The following TSPAN9 variants were observed in gnomAD, a reference collection of about 807,000 sequenced individuals.
TSPAN9 encodes tetraspanin 9.
A neutral mutation model predicts 31.0 loss-of-function variants in TSPAN9; 16 were observed. That is an observed-to-expected ratio of 0.52 (90% CI 0.35 to 0.78). The LOEUF (loss-of-function observed/expected upper bound fraction) is 0.78. TSPAN9 is among the 30% of genes least tolerant of loss of function. The pLI, the probability that TSPAN9 is intolerant of heterozygous loss-of-function variation, is 0.01. For missense variants in TSPAN9, 272 were observed against 312.5 expected (o/e 0.87, Z 0.98); for synonymous variants, 145 against 121.6 (o/e 1.19, Z -1.27).
At chr12:3,266,999 A>G (rs1320259841) in intron 3 of TSPAN9, among the ~76,000 whole-genome samples, 6 of 151,984 alleles carry the variant, frequency 3.9e-5, no homozygotes, top group Admixed American at 3.3e-4. Context: ...ATGGAAGATC[A>G]CCCTCATTAC....
intron 2 of TSPAN9, among the ~76,000 whole-genome samples, chr12:3,148,041 G>A (rs1471067855): frequency 6.6e-6 from 1 of 152,114 alleles, no homozygotes; most frequent in Non-Finnish European, 1.5e-5. Context: ...CATTCATCCT[G>A]GAGACAAAGC....
At chr12:3,244,258 A>G (rs2098398127) in intron 3 of TSPAN9, among the ~76,000 whole-genome samples, 1 of 152,146 alleles carries the variant, frequency 6.6e-6, no homozygotes. Context: ...CCCTGGTCCC[A>G]GTAGGTAAGC....
chr12:3,201,328 C>G, intron 3 of TSPAN9, 72 bp downstream of exon 3: 1 of 1,404,320 alleles, frequency 7.1e-7, no homozygotes, highest in South Asian at 1.2e-5. Flanking sequence ...TGAATACCCT[C>G]TCCCTCTTCT....
At position 3,285,530 on chromosome 12, in the gene TSPAN9, T is replaced by C. The variant is rs1049038996; in HGVS notation, c.*2414T>C. On this transcript the variant is annotated 3_prime_UTR_variant, in exon 9 of 9. Transcript: ENST00000011898. The stretch of plus-strand genomic sequence containing the variant: ...ACTCACTCTGCGCTTGGCCGTTTTG[T>C]TATTTGGCTTAGTCTACATTGGGCG... 1 of 152,178 alleles carries C rather than the reference T, an allele frequency of 6.6e-6. No individual in the cohort carries two copies. Among genetic ancestry groups the C allele is most frequent in the Non-Finnish European group, 1.5e-5 (1 of 68,042 alleles). 9.4% of individuals were successfully genotyped at this position (152,178 alleles called of 1,614,324 possible).
chr12:3,082,608 G>A (rs896434478), intron 1 of TSPAN9, among the ~76,000 whole-genome samples: 3 of 152,128 alleles, frequency 2.0e-5, no homozygotes, highest in African/African-American at 7.2e-5. Flanking sequence ...AAGAGGGGAC[G>A]TCATGGTAGG....
intron 2 of TSPAN9, among the ~76,000 whole-genome samples, chr12:3,109,991 C>T (rs2153965255): frequency 6.6e-6 from 1 of 152,198 alleles, no homozygotes; most frequent in Non-Finnish European, 1.5e-5. Flanking sequence ...TAGCAATCTG[C>T]AGCACCAGGA....
At chr12:3,214,134 A>G (rs2098380178) in intron 3 of TSPAN9, among the ~76,000 whole-genome samples, 1 of 152,224 alleles carries the variant, frequency 6.6e-6, no homozygotes, top group Admixed American at 6.5e-5. Context: ...GGAAAATGAT[A>G]GACTTGGACC....
intron 1 of TSPAN9, among the ~76,000 whole-genome samples, chr12:3,079,996 G>A (rs1338156509): frequency 1.3e-5 from 2 of 149,262 alleles, no homozygotes; most frequent in African/African-American, 4.9e-5. Flanking sequence ...TGCCCAGGCT[G>A]GTCTCTGGTC....
chr12:3,114,666 A>G (rs944084529), intron 2 of TSPAN9, among the ~76,000 whole-genome samples: 2 of 152,008 alleles, frequency 1.3e-5, no homozygotes, highest in African/African-American at 4.8e-5. Flanking sequence ...AATGTGGTGA[A>G]ACCCCACCTC....
chr12:3,207,116 C>T (rs1026389742), intron 3 of TSPAN9, among the ~76,000 whole-genome samples: 11 of 151,890 alleles, frequency 7.2e-5, no homozygotes, highest in Admixed American at 5.9e-4. Flanking sequence ...GAGTGGGTTC[C>T]GAAGTAGAGG....
chr12:3,118,419 GC>G (rs1309441371), intron 2 of TSPAN9, among the ~76,000 whole-genome samples: 2 of 151,486 alleles, frequency 1.3e-5, no homozygotes, highest in East Asian at 3.9e-4. Flanking sequence ...CCACCATCAT[GC>G]CCGGCTAATT....
intron 8 of TSPAN9, among the ~76,000 whole-genome samples, chr12:3,282,713 G>C (rs191287505): frequency 2.0e-5 from 3 of 152,096 alleles, no homozygotes; most frequent in African/African-American, 4.8e-5. Flanking sequence ...CCCCACCTTG[G>C]CTCCTGTGAG....
intron 3 of TSPAN9, chr12:3,206,448 A>G (rs1039448989): frequency 2.3e-6 from 1 of 434,818 alleles, no homozygotes; most frequent in African/African-American, 2.0e-5. Flanking sequence ...AGGCAGCAGC[A>G]GGCCTGCACC....
chr12:3,229,470 C>T (rs1412239871), intron 3 of TSPAN9, among the ~76,000 whole-genome samples: 1 of 152,234 alleles, frequency 6.6e-6, no homozygotes, highest in African/African-American at 2.4e-5. Flanking sequence ...CCAGCAAATC[C>T]CATGTATTCT....
In TSPAN9 at chr12:3,109,307, A is replaced by AGAGAGAGAGAGTGT. The variant is rs560687812; in HGVS notation, c.-18+25589_-18+25590insAGAGAGAGAGTGTG. Among the ~76,000 whole-genome samples the AGAGAGAGAGAGTGT allele has an allele frequency of 5.5e-3, 794 of 143,264 alleles. 3 individuals carry two copies. Among genetic ancestry groups the AGAGAGAGAGAGTGT allele is most frequent in the African/African-American group, 0.02 (737 of 36,100 alleles). The allele number at this position is 143,264 out of a possible 152,430, so 94.0% of individuals were successfully genotyped here. ...GTGTGTGTGTGTGTGTGTGAGAGAG[A>AGAGAGAGAGAGTGT]GTGTGTGTGTGTGTGTGTGTTTGTG... On this transcript the variant is annotated intron_variant, in intron 2 of 8. Coordinates refer to ENST00000011898, the MANE Select transcript of TSPAN9 (RefSeq NM_006675.5).
intron 3 of TSPAN9, among the ~76,000 whole-genome samples, chr12:3,215,784 G>A (rs1012895574): frequency 2.0e-5 from 3 of 152,154 alleles, no homozygotes; most frequent in Non-Finnish European, 2.9e-5. Flanking sequence ...TGGTGGGCCC[G>A]GCACAGCCTG....
intron 3 of TSPAN9, among the ~76,000 whole-genome samples, chr12:3,214,520 C>T (rs75602132): frequency 1.6e-3 from 249 of 152,286 alleles, no homozygotes; most frequent in African/African-American, 5.6e-3. Flanking sequence ...TTTGCCTCTT[C>T]GGACCTCCAG....
At chr12:3,212,506 G>T (rs1378625947) in intron 3 of TSPAN9, among the ~76,000 whole-genome samples, 1 of 95,052 alleles carries the variant, frequency 1.1e-5, no homozygotes, top group Non-Finnish European at 2.3e-5. Flanking sequence ...TGAACTCCTG[G>T]CCTTAAGCAA....
chr12:3,113,373 A>G (rs1292145676), intron 2 of TSPAN9, among the ~76,000 whole-genome samples: 1 of 152,152 alleles, frequency 6.6e-6, no homozygotes, highest in African/African-American at 2.4e-5. Context: ...ACACAAGTGC[A>G]ATTATGTTTG....
Sources: gnomAD v4.1 joint callset for allele counts (sites outside exome capture counted in the v4.1 genomes callset) on GRCh38, gnomAD v4.1.1 for gene constraint, MANE v1.5 for transcripts, NCBI Gene and HGNC (gene_info 2026-07-23, HGNC 2026-07-21) for gene names.